CREB3L1: variants seen among roughly 807,000 people sequenced by gnomAD.
CREB3L1 encodes the protein cyclic AMP-responsive element-binding protein 3-like protein 1.
Under a neutral mutation model 54.5 loss-of-function variants are expected in CREB3L1, and 33 were observed. The observed-to-expected ratio is 0.61, with a 90% CI of 0.46 to 0.81. The LOEUF is 0.81. CREB3L1 is among the 30% of genes least tolerant of loss of function. The pLI is 0.00. For missense variants in CREB3L1, 656 were observed against 673.3 expected, an observed-to-expected ratio of 0.97 and a Z score of 0.29; for synonymous variants, 284 against 286.4, an observed-to-expected ratio of 0.99 and a Z score of 0.08.
intron 1 of CREB3L1, among the ~76,000 whole-genome samples, chr11:46,291,203 C>T (rs1939124597): frequency 6.6e-6 from 1 of 152,184 alleles, no homozygotes; most frequent in Non-Finnish European, 1.5e-5. Context: ...AAATGAATGA[C>T]TCTGGAAACG....
chr11:46,290,754 G>T (rs934340441), intron 1 of CREB3L1, among the ~76,000 whole-genome samples: 1 of 151,878 alleles, frequency 6.6e-6, no homozygotes, highest in South Asian at 2.1e-4. Context: ...GGGGGTGGGC[G>T]GAGGCAGAGC....
At position 46,312,813 on chromosome 11, in the gene CREB3L1, G is replaced by T. The variant is rs755145136; in HGVS notation, c.963-38G>T. ...GGCCGAGGAGCTGTTGTGAGTCTGGGGGCTGCCCCTGAGCCTGTGCCTGCT... is the reference window on the plus strand; with the variant it reads ...GGCCGAGGAGCTGTTGTGAGTCTGGTGGCTGCCCCTGAGCCTGTGCCTGCT... On this transcript the variant is annotated intron_variant, in intron 7 of 11. Transcript: ENST00000621158. 1.9e-6 allele frequency: 3 copies of T among 1,566,312 alleles called. No homozygotes were observed. In the South Asian group the frequency reaches 3.5e-5, roughly 18 times the overall value.
rs1312908585 is a variant in CREB3L1 at position 46,316,398 on chromosome 11, C to T, written c.1131+13C>T. 1 of 1,494,796 alleles carries T rather than the reference C, an allele frequency of 6.7e-7. No homozygotes were observed. 92.6% of individuals were successfully genotyped at this position (1,494,796 alleles called of 1,614,324 possible). ...GACCTGCCTCATGGTAGGTGTGGCT[C>T]CCTCCACCACAGACCCACAGGAGGA... On this transcript the variant is annotated intron_variant, in intron 9 of 11. Coordinates refer to ENST00000621158, the MANE Select transcript of CREB3L1 (RefSeq NM_052854.4).
intron 8 of CREB3L1, among the ~76,000 whole-genome samples, chr11:46,313,336 C>T (rs976150547): frequency 1.3e-5 from 2 of 152,120 alleles, no homozygotes; most frequent in Admixed American, 6.6e-5. Flanking sequence ...GGTGTAAATC[C>T]TTGTTACTCA....
chr11:46,305,690 A>ATGTGTGTGTG (rs764468204), intron 2 of CREB3L1, among the ~76,000 whole-genome samples: 7 of 111,610 alleles, frequency 6.3e-5, no homozygotes, highest in Admixed American at 1.0e-4. Context: ...GTGTGTATAT[A>ATGTGTGTGTG]TGTGTGTGTG....
intron 1 of CREB3L1, among the ~76,000 whole-genome samples, chr11:46,293,926 TGA>T (rs1939166547): frequency 6.6e-6 from 1 of 152,166 alleles, no homozygotes; most frequent in South Asian, 2.1e-4. Context: ...TGTGTCTTGT[TGA>T]GTTTGTGTTC....
intron 4 of CREB3L1, 97 bp downstream of exon 4, chr11:46,310,164 C>T (rs1939462076): frequency 2.3e-6 from 2 of 858,750 alleles, no homozygotes; most frequent in African/African-American, 1.7e-5. Flanking sequence ...TCTTGACAAC[C>T]TTCCCCCACC....
At chr11:46,287,029 G>A (rs1337706176) in intron 1 of CREB3L1, among the ~76,000 whole-genome samples, 1 of 152,166 alleles carries the variant, frequency 6.6e-6, no homozygotes, top group Non-Finnish European at 1.5e-5. Flanking sequence ...CAGGTCAGAT[G>A]GCAGATGATG....
chr11:46,293,312 G>A (rs1009372659), intron 1 of CREB3L1, among the ~76,000 whole-genome samples: 2 of 152,172 alleles, frequency 1.3e-5, no homozygotes, highest in East Asian at 1.9e-4. Context: ...AGCCCTGGGC[G>A]GCGGCACTCG....
chr11:46,317,541 C>T (rs1056266320), intron 10 of CREB3L1, 54 bp downstream of exon 10: 3 of 1,593,592 alleles, frequency 1.9e-6, no homozygotes, highest in Non-Finnish European at 2.6e-6. Flanking sequence ...CCTGCCCCAG[C>T]CCCAGTGTCC....
Position 46,320,357 on chromosome 11 carries a change from G to A in CREB3L1, c.1352G>A (p.Trp451Ter). The A allele has an allele frequency of 6.2e-7, 1 of 1,611,890 alleles. No individual in the cohort carries two copies. Among genetic ancestry groups the A allele is most frequent in the Non-Finnish European group, 8.5e-7 (1 of 1,179,016 alleles). The change falls in exon 11 of 12, where the codon TGG becomes TAG. Residue 451 changes from tryptophan (W) to a stop codon, truncating the protein, a stop_gained. Coordinates refer to ENST00000621158, the MANE Select transcript of CREB3L1 (RefSeq NM_052854.4). LOFTEE classifies it high-confidence loss of function. ...CTGCCCATGGAGCCCCCAGATGGCT[G>A]GGAAATCAACCCCGGGGGGCCGGCA... Reference protein sequence around the residue: ...TLLPMEPPDGWEINPGGPAEQ... With the variant: ...TLLPMEPPDG
chr11:46,300,781 G>A (rs1192012661), intron 2 of CREB3L1, among the ~76,000 whole-genome samples: 1 of 151,896 alleles, frequency 6.6e-6, no homozygotes, highest in Admixed American at 6.6e-5. Flanking sequence ...CGAGGCAGGC[G>A]GATCACTAGG....
At chr11:46,305,608 ATGTG>A (rs199723942) in intron 2 of CREB3L1, among the ~76,000 whole-genome samples, 1 of 146,456 alleles carries the variant, frequency 6.8e-6, no homozygotes, top group African/African-American at 2.5e-5. Flanking sequence ...ACACATATAT[ATGTG>A]TGTGTGTATA....
At chr11:46,304,365 G>C (rs534284811) in intron 2 of CREB3L1, among the ~76,000 whole-genome samples, 9 of 152,156 alleles carry the variant, frequency 5.9e-5, no homozygotes, top group Non-Finnish European at 1.2e-4. Context: ...CCAGCTACTC[G>C]AGAGGCTGAG....
At chr11:46,310,753 G>A (rs1255030980) in intron 4 of CREB3L1, among the ~76,000 whole-genome samples, 4 of 152,064 alleles carry the variant, frequency 2.6e-5, no homozygotes, top group Admixed American at 6.6e-5. Flanking sequence ...GACCTCCCAC[G>A]AATTCAGCTC....
intron 10 of CREB3L1, among the ~76,000 whole-genome samples, chr11:46,318,175 G>A (rs892579392): frequency 4.6e-5 from 7 of 151,770 alleles, no homozygotes; most frequent in East Asian, 1.9e-4. Flanking sequence ...CCAAGATCAC[G>A]CCACTGCAGT....
At position 46,317,443 on chromosome 11, in the gene CREB3L1, A is replaced by G. The variant is rs1374575581; in HGVS notation, c.1214A>G (p.Lys405Arg). The G allele has an allele frequency of 1.2e-6, 2 of 1,613,364 alleles. No homozygotes were observed. Among genetic ancestry groups the G allele is most frequent in the South Asian group, 2.2e-5 (2 of 91,084 alleles). The change falls in exon 10 of 12, where the codon AAG becomes AGG. Residue 405 changes from lysine to arginine, a missense_variant. Lys to Arg is a conservative substitution (Grantham distance 26, BLOSUM62 2). This residue lies in a region of CREB3L1 where 240 missense variants were observed against 219.8 expected (regional missense o/e 1.09). Transcript: ENST00000621158. ...TTCTCCTCCGGCTCCCAGACTGTGA[A>G]GGAAGACCCCCTGGCCGCAGACGGC... Reference protein sequence around the residue: ...PEFSSGSQTVKEDPLAADGVY... With the variant: ...PEFSSGSQTVREDPLAADGVY...
chr11:46,280,718 C>G (rs928602028), intron 1 of CREB3L1, among the ~76,000 whole-genome samples: 2 of 152,132 alleles, frequency 1.3e-5, no homozygotes, highest in Non-Finnish European at 1.5e-5. Flanking sequence ...AGTCACTTTC[C>G]TTCTCTGGGG....
chr11:46,319,858 G>A (rs1488086673), intron 10 of CREB3L1, among the ~76,000 whole-genome samples: 10 of 147,476 alleles, frequency 6.8e-5, no homozygotes, highest in South Asian at 6.5e-4. Flanking sequence ...CAGCCTGGGC[G>A]ACAGAGCAAG....
Sources: allele counts gnomAD v4.1 joint callset (sites outside exome capture counted in the v4.1 genomes callset), GRCh38; gene constraint gnomAD v4.1.1; regional missense constraint gnomAD v4.1.1; transcripts MANE v1.5; gene names NCBI Gene and HGNC (gene_info 2026-07-23, HGNC 2026-07-21).